Variants in CTNNA3 observed in about 807,000 individuals in gnomAD.
CTNNA3 encodes the protein catenin alpha 3.
CTNNA3 carries 76 observed loss-of-function variants against 95.7 expected under a neutral mutation model. The ratio of observed to expected loss-of-function variants is 0.79; its 90% CI spans 0.66 to 0.96. CTNNA3 has a LOEUF of 0.96. Ranked by LOEUF, CTNNA3 falls within the 40% of genes least tolerant of loss-of-function variation. The pLI, the probability that CTNNA3 is intolerant of heterozygous loss-of-function variation, is 0.00. For missense variants in CTNNA3, 1,191 were observed against 1,089.8 expected (o/e 1.09, Z -1.31); for synonymous variants, 431 against 374.4 (o/e 1.15, Z -1.74).
chr10:66,920,359 G>A (rs918519532), intron 7 of CTNNA3, among the ~76,000 whole-genome samples: 6 of 152,172 alleles, frequency 3.9e-5, no homozygotes, highest in African/African-American at 1.2e-4. Flanking sequence ...AATTCCAAAT[G>A]TCAACTGACA....
At chr10:67,137,814 G>A (rs1860369666) in intron 7 of CTNNA3, among the ~76,000 whole-genome samples, 1 of 151,960 alleles carries the variant, frequency 6.6e-6, no homozygotes, top group Admixed American at 6.6e-5. Flanking sequence ...CCCTGCCAAT[G>A]TAGTGATTAT....
intron 13 of CTNNA3, among the ~76,000 whole-genome samples, chr10:66,207,832 A>G (rs778234144): frequency 4.6e-5 from 7 of 152,056 alleles, no homozygotes; most frequent in Non-Finnish European, 8.8e-5. Flanking sequence ...ATGGTGCTGC[A>G]ATGCCAAAAC....
At chr10:66,971,408 C>A (rs61866211) in intron 7 of CTNNA3, among the ~76,000 whole-genome samples, 1 of 131,916 alleles carries the variant, frequency 7.6e-6, no homozygotes, top group East Asian at 2.3e-4. Context: ...GCCTGGGCAA[C>A]AGAGAGAGAC....
chr10:66,739,674 G>A (rs7092601), intron 9 of CTNNA3, among the ~76,000 whole-genome samples: 89,096 of 151,954 alleles, frequency 0.59, 26,487 homozygotes, highest in East Asian at 0.74. Context: ...AACCATTAAA[G>A]GTACATTGTT....
At chr10:66,242,088 GC>G (rs2090136458) in intron 13 of CTNNA3, among the ~76,000 whole-genome samples, 1 of 152,096 alleles carries the variant, frequency 6.6e-6, no homozygotes, top group African/African-American at 2.4e-5. Flanking sequence ...AGTATGCTCA[GC>G]CCCCCTGCCA....
intron 7 of CTNNA3, chr10:67,015,458 AC>A (rs1249538416): frequency 6.6e-6 from 1 of 152,112 alleles, no homozygotes; most frequent in Non-Finnish European, 1.5e-5. Context: ...CTTGAGTCAT[AC>A]TTCCCCTCCT....
Position 66,069,464 on chromosome 10 carries a change from G to T in CTNNA3, c.2003C>A (p.Ala668Glu), listed in dbSNP as rs1430252976. ...DRAKMTQLPE[A>E]EKEKIAEQVA... ...TTGCTCAGCAATCTTTTCTTTTTCT[G>T]CCTCAGGCAGTTGAGTCATCTTAGC... is the stretch of plus-strand genomic sequence containing the variant. Residue 668 changes from alanine (A) to glutamate (E), a missense_variant, in exon 15 of 18, where the codon GCA becomes GAA. By Grantham distance (107) the Ala-to-Glu change is moderately radical. Coordinates refer to ENST00000433211, the MANE Select transcript of CTNNA3 (RefSeq NM_013266.4). 1 of 1,612,406 alleles carries T rather than the reference G, an allele frequency of 6.2e-7. No individual in the cohort carries two copies. Among genetic ancestry groups the T allele is most frequent in the Non-Finnish European group, 8.5e-7 (1 of 1,179,372 alleles).
At chr10:67,603,292 TCAA>T (rs1464735397) in intron 3 of CTNNA3, among the ~76,000 whole-genome samples, 2 of 152,192 alleles carry the variant, frequency 1.3e-5, no homozygotes, top group African/African-American at 4.8e-5. Flanking sequence ...AACATTTTGG[TCAA>T]CAACAGATGC....
At chr10:67,143,425 TAAAAAAA>T (rs61603392) in intron 7 of CTNNA3, among the ~76,000 whole-genome samples, 5 of 76,006 alleles carry the variant, frequency 6.6e-5, no homozygotes, top group South Asian at 5.1e-4. Context: ...GGCTCTGTCT[TAAAAAAA>T]AAAAAAAAAA....
At chr10:67,301,391 A>G (rs1840261704) in intron 5 of CTNNA3, among the ~76,000 whole-genome samples, 1 of 152,206 alleles carries the variant, frequency 6.6e-6, no homozygotes, top group South Asian at 2.1e-4. Context: ...CAACCCTTGT[A>G]CACTGTGGTG....
Position 65,920,429 on chromosome 10 carries a change from C to T in CTNNA3, c.2589G>A (p.Lys863=), listed in dbSNP as rs1564515685. 1 of 1,614,126 alleles carries T rather than the reference C, an allele frequency of 6.2e-7. No homozygotes were observed. The highest frequency in any genetic ancestry group is 8.5e-7 in the Non-Finnish European group (1 of 1,180,004). The change falls in exon 18 of 18, where the codon AAG becomes AAA. Residue 863 remains lysine (K), a synonymous_variant. Transcript: ENST00000433211. ...PAKKPLIKRE[K]PEETCAAVRR... is the part of the protein sequence containing the mutation. ...TGACAGCTGCACACGTTTCCTCTGG[C>T]TTCTCTCTTTTAATCAAGGGTTTTT...
rs1564896128 is a variant in CTNNA3 at position 66,360,647 on chromosome 10, C to CTTTCTTTCTTTTCT, written c.1732+18504_1732+18505insAGAAAAGAAAGAAA. 1.3e-4 allele frequency among the ~76,000 whole-genome samples: 8 copies of CTTTCTTTCTTTTCT among 61,534 alleles called. No homozygotes were observed. The East Asian group carries it at 4.5e-3, about 35-fold the overall frequency. 40.4% of individuals were successfully genotyped at this position (61,534 alleles called of 152,430 possible). A position where few individuals can be genotyped will look rare whatever the true frequency, so the allele number is the denominator to read the frequency against. ...TCTTTCTTTCTTTCTTTCTTTCTTT[C>CTTTCTTTCTTTTCT]TTTCTTTCTTTCTTCCTTCCTTCCT... On this transcript the variant is annotated intron_variant, in intron 12 of 17. Coordinates refer to ENST00000433211, the MANE Select transcript of CTNNA3 (RefSeq NM_013266.4).
In CTNNA3 at chr10:66,396,427, G is replaced by T. The variant is rs888949698; in HGVS notation, c.1532-17075C>A. On this transcript the variant is annotated intron_variant, in intron 11 of 17. Coordinates refer to ENST00000433211, the MANE Select transcript of CTNNA3 (RefSeq NM_013266.4). ...TTTTAAAAAGTATTGAAATAACTTAGTACAATTTTCAAGGATTAAAATGTT... is the reference window on the plus strand; with the variant it reads ...TTTTAAAAAGTATTGAAATAACTTATTACAATTTTCAAGGATTAAAATGTT... Among the ~76,000 whole-genome samples, 3 of 151,902 alleles carry T rather than the reference G, an allele frequency of 2.0e-5. No individual in the cohort carries two copies. The Admixed American group carries it at 2.0e-4, about 10-fold the overall frequency.
intron 2 of CTNNA3, among the ~76,000 whole-genome samples, chr10:67,641,035 C>T (rs902148872): frequency 1.9e-4 from 29 of 152,104 alleles, no homozygotes; most frequent in African/African-American, 6.8e-4. Flanking sequence ...AGCTTCCGCA[C>T]AGCAAAAGAA....
At chr10:67,051,628 T>C (rs1271423236) in intron 7 of CTNNA3, among the ~76,000 whole-genome samples, 1 of 152,036 alleles carries the variant, frequency 6.6e-6, no homozygotes, top group Non-Finnish European at 1.5e-5. Flanking sequence ...ATGGTCTTGA[T>C]CTTTTGACCT....
chr10:66,892,038 T>G (rs140525935), intron 7 of CTNNA3, among the ~76,000 whole-genome samples: 176 of 152,212 alleles, frequency 1.2e-3, no homozygotes, highest in African/African-American at 4.1e-3. Context: ...TATTGTATAA[T>G]AATCACTAAA....
chr10:66,668,535 G>A (rs1292907818), intron 9 of CTNNA3, among the ~76,000 whole-genome samples: 4 of 151,444 alleles, frequency 2.6e-5, no homozygotes, highest in African/African-American at 7.3e-5. Context: ...TATATTGGCC[G>A]GGTGCGGTGG....
At chr10:67,407,128 G>A (rs371550284) in intron 5 of CTNNA3, among the ~76,000 whole-genome samples, 20 of 151,904 alleles carry the variant, frequency 1.3e-4, no homozygotes, top group African/African-American at 3.9e-4. Context: ...AGAAAACTTC[G>A]GGCCAATATC....
At chr10:67,489,802 A>AATG (rs1848583464) in intron 5 of CTNNA3, among the ~76,000 whole-genome samples, 1 of 149,204 alleles carries the variant, frequency 6.7e-6, no homozygotes, top group African/African-American at 2.5e-5. Flanking sequence ...ATATATATAT[A>AATG]TATACACACA....
Sources: allele counts gnomAD v4.1 joint callset (sites outside exome capture counted in the v4.1 genomes callset), GRCh38; gene constraint gnomAD v4.1.1; transcripts MANE v1.5; gene names NCBI Gene and HGNC (gene_info 2026-07-23, HGNC 2026-07-21).